The following KIF16B variants were observed in gnomAD, a reference collection of about 807,000 sequenced individuals.
KIF16B encodes the protein kinesin family member 16B, also known as kinesin-like protein KIF16B.
In KIF16B, 98 loss-of-function variants were observed where a neutral mutation model predicts 156.3. That is an observed-to-expected ratio of 0.63 (90% confidence interval 0.53 to 0.74). The LOEUF (loss-of-function observed/expected upper bound fraction) is 0.74, where lower values mean the gene tolerates loss of function less well. Among genes scored for constraint, KIF16B ranks in the 30% least tolerant of loss-of-function variants. The pLI, the probability that KIF16B is intolerant of heterozygous loss-of-function variation, is 0.00. For synonymous variants in KIF16B, 564 were observed against 583.7 expected (o/e 0.97, Z 0.49); for missense variants, 1,421 against 1,606.5 (o/e 0.88, Z 1.97).
intron 22 of KIF16B, chr20:16,367,294 T>C: frequency 6.2e-7 from 1 of 1,612,880 alleles, no homozygotes; most frequent in Non-Finnish European, 8.5e-7. Context: ...CTGAAGGTGC[T>C]CAGGTGGACT....
intron 19 of KIF16B, among the ~76,000 whole-genome samples, chr20:16,376,021 C>G (rs2064942351): frequency 6.6e-6 from 1 of 152,214 alleles, no homozygotes; most frequent in South Asian, 2.1e-4. Context: ...GTTATACAAC[C>G]ACTGCAGGCT....
Position 16,380,100 on chromosome 20 carries a change from C to T in KIF16B, c.1902G>A (p.Gln634=), listed in dbSNP as rs751726271. ...CCTTGCGCTGGGTCTCCACCTCCTG[C>T]TGCATCCGCTCCAGTTCAGCCTTGT... ...KSDKAELERM[Q]QEVETQRKET... is the part of the protein sequence containing the mutation. The change falls in exon 19 of 26, where the codon CAG becomes CAA. Residue 634 remains glutamine, a synonymous_variant. Transcript: ENST00000354981. The T allele has an allele frequency of 1.2e-5, 18 of 1,528,320 alleles. No homozygotes were observed. In the South Asian group the frequency reaches 1.9e-4, roughly 16 times the overall value. The allele number at this position is 1,528,320 out of a possible 1,614,324, so 94.7% of individuals were successfully genotyped here.
chr20:16,284,982 C>A (rs2063202422), intron 25 of KIF16B, among the ~76,000 whole-genome samples: 1 of 152,212 alleles, frequency 6.6e-6, no homozygotes, highest in African/African-American at 2.4e-5. Context: ...CAGAGCAGCA[C>A]CATCTTCTGG....
chr20:16,557,171 A>ACG (rs1767060489), intron 1 of KIF16B, among the ~76,000 whole-genome samples: 1 of 150,028 alleles, frequency 6.7e-6, no homozygotes, highest in Non-Finnish European at 1.5e-5. Context: ...ACACACACAC[A>ACG]CATACTAATA....
intron 1 of KIF16B, among the ~76,000 whole-genome samples, chr20:16,557,062 GA>G (rs1339316750): frequency 6.7e-6 from 1 of 150,292 alleles, no homozygotes; most frequent in Non-Finnish European, 1.5e-5. Context: ...TATTTACCAT[GA>G]AAAATGTAAA....
intron 1 of KIF16B, among the ~76,000 whole-genome samples, chr20:16,558,988 G>A (rs932171864): frequency 6.7e-6 from 1 of 148,964 alleles, no homozygotes; most frequent in Non-Finnish European, 1.5e-5. Flanking sequence ...CTCCCTGATT[G>A]TGAAGATGAA....
intron 9 of KIF16B, among the ~76,000 whole-genome samples, chr20:16,504,753 T>A (rs759965588): frequency 6.6e-6 from 1 of 151,898 alleles, no homozygotes; most frequent in African/African-American, 2.4e-5. Flanking sequence ...TTTGCTCTTC[T>A]CAAATCTAGA....
intron 24 of KIF16B, among the ~76,000 whole-genome samples, chr20:16,328,903 C>T (rs1472297331): frequency 6.6e-6 from 1 of 152,112 alleles, no homozygotes; most frequent in African/African-American, 2.4e-5. Flanking sequence ...TCTCTTAATA[C>T]CAACAAATTG....
chr20:16,303,837 G>A (rs1017366392), intron 25 of KIF16B, among the ~76,000 whole-genome samples: 1 of 152,220 alleles, frequency 6.6e-6, no homozygotes, highest in African/African-American at 2.4e-5. Context: ...ATTAGGGCCA[G>A]GACTGCTTCT....
intron 1 of KIF16B, among the ~76,000 whole-genome samples, chr20:16,544,349 C>T (rs1248170485): frequency 1.3e-5 from 2 of 152,146 alleles, no homozygotes; most frequent in South Asian, 4.1e-4. Flanking sequence ...GTGGCTCACG[C>T]CTGTAATCCC....
At chr20:16,295,027 A>AC in intron 25 of KIF16B, among the ~76,000 whole-genome samples, 1 of 152,228 alleles carries the variant, frequency 6.6e-6, no homozygotes, top group Non-Finnish European at 1.5e-5. Context: ...TTTCCAAAGG[A>AC]TAAACAAGCA....
chr20:16,429,899 G>T lies in KIF16B; in HGVS notation c.1386C>A (p.Asp462Glu). 1 of 1,612,396 alleles carries T rather than the reference G, an allele frequency of 6.2e-7. No individual in the cohort carries two copies. Among genetic ancestry groups the T allele is most frequent in the Non-Finnish European group, 8.5e-7 (1 of 1,179,054 alleles). Residue 462 changes from aspartate (D) to glutamate (E), a missense_variant, in exon 13 of 26, where the codon GAC becomes GAA. Asp to Glu is a conservative substitution (Grantham distance 45). Coordinates refer to ENST00000354981, the MANE Select transcript of KIF16B (RefSeq NM_024704.5). The part of the protein sequence containing the change: ...ELPHLIGIDD[D>E]LLSTGIILYH... ...ATAAGATGATTCCAGTACTCAAAAGGTCATCATCGATGCCAATCAAATGAG... is the reference window on the plus strand; with the variant it reads ...ATAAGATGATTCCAGTACTCAAAAGTTCATCATCGATGCCAATCAAATGAG...
intron 1 of KIF16B, among the ~76,000 whole-genome samples, chr20:16,554,234 T>C (rs1262332893): frequency 1.3e-5 from 2 of 152,162 alleles, no homozygotes; most frequent in African/African-American, 4.8e-5. Context: ...CATAGCCACC[T>C]ATGGACCAAT....
intron 12 of KIF16B, among the ~76,000 whole-genome samples, chr20:16,460,768 A>C (rs2067326773): frequency 6.6e-6 from 1 of 152,168 alleles, no homozygotes; most frequent in Non-Finnish European, 1.5e-5. Flanking sequence ...ATTAATACAA[A>C]TATAGTCTAG....
intron 24 of KIF16B, among the ~76,000 whole-genome samples, chr20:16,319,695 G>T (rs1351566274): frequency 6.6e-6 from 1 of 152,146 alleles, no homozygotes; most frequent in African/African-American, 2.4e-5. Flanking sequence ...TCTCTGAGGG[G>T]GGCCAGTCTT....
intron 25 of KIF16B, among the ~76,000 whole-genome samples, chr20:16,298,827 G>C (rs888097831): frequency 2.0e-5 from 3 of 151,888 alleles, no homozygotes; most frequent in Non-Finnish European, 4.4e-5. Flanking sequence ...ATGCCACGGA[G>C]TTGCACTCAG....
At chr20:16,301,763 C>T (rs1036299783) in intron 25 of KIF16B, among the ~76,000 whole-genome samples, 2 of 152,124 alleles carry the variant, frequency 1.3e-5, no homozygotes, top group Admixed American at 6.5e-5. Context: ...AACTCTCCTG[C>T]CTCAGCCTCC....
intron 24 of KIF16B, among the ~76,000 whole-genome samples, chr20:16,329,747 T>A (rs1354144526): frequency 6.6e-6 from 1 of 152,126 alleles, no homozygotes; most frequent in Non-Finnish European, 1.5e-5. Flanking sequence ...AGAGGACAAC[T>A]TAATTCAAAA....
rs869288784 is a variant in KIF16B at position 16,571,631 on chromosome 20, C to CT, written c.47+1597dup. On this transcript the variant is annotated intron_variant, in intron 1 of 25. Coordinates refer to ENST00000354981, the MANE Select transcript of KIF16B (RefSeq NM_024704.5). Reference sequence around the variant, plus strand: ...GTGTTTGGTAGGTGCTTAACAAATACTTTTTTTTTTTTTTTTGAGAGGGAG... The same window carrying CT: ...GTGTTTGGTAGGTGCTTAACAAATACTTTTTTTTTTTTTTTTTGAGAGGGAG... Among the ~76,000 whole-genome samples the CT allele has an allele frequency of 7.8e-3, 1,120 of 142,940 alleles. 7 individuals carry two copies. Among genetic ancestry groups the CT allele is most frequent in the African/African-American group, 0.023 (879 of 38,850 alleles). The allele number at this position is 142,940 out of a possible 152,430, so 93.8% of individuals were successfully genotyped here.
Sources: allele counts gnomAD v4.1 joint callset (sites outside exome capture counted in the v4.1 genomes callset), GRCh38; gene constraint gnomAD v4.1.1; transcripts MANE v1.5; gene names NCBI Gene and HGNC (gene_info 2026-07-23, HGNC 2026-07-21).